The following MACROD2 variants were observed in gnomAD, a reference collection of about 807,000 sequenced individuals.
MACROD2 encodes the protein ADP-ribose glycohydrolase MACROD2.
In MACROD2, 36 loss-of-function variants were observed where a neutral mutation model predicts 70.4. The ratio of observed to expected loss-of-function variants is 0.51; its 90% CI spans 0.39 to 0.68. The LOEUF is 0.68. MACROD2 is among the 30% of genes least tolerant of loss of function. The pLI is 0.00. For missense variants in MACROD2, 496 were observed against 538.4 expected (o/e 0.92, Z 0.78); for synonymous variants, 172 against 178.8 (o/e 0.96, Z 0.30).
At chr20:15,627,118 A>G (rs1194855187) in intron 8 of MACROD2, among the ~76,000 whole-genome samples, 2 of 151,732 alleles carry the variant, frequency 1.3e-5, no homozygotes, top group East Asian at 3.9e-4. Flanking sequence ...CATTTGGGAC[A>G]GTTACAAGTT....
chr20:14,918,622 T>G (rs867685012), intron 5 of MACROD2, among the ~76,000 whole-genome samples: 2 of 151,516 alleles, frequency 1.3e-5, no homozygotes, highest in East Asian at 1.9e-4. Flanking sequence ...TTTTTGTTTT[T>G]TTTTTTTTTT....
chr20:14,579,154 A>C (rs1478841666), intron 4 of MACROD2, among the ~76,000 whole-genome samples: 1 of 43,550 alleles, frequency 2.3e-5, no homozygotes, highest in Non-Finnish European at 4.3e-5. Flanking sequence ...TTTTTTTTTG[A>C]GACGGAGTCT....
intron 8 of MACROD2, among the ~76,000 whole-genome samples, chr20:15,603,351 A>C (rs2048848766): frequency 6.6e-6 from 1 of 151,750 alleles, no homozygotes; most frequent in Admixed American, 6.6e-5. Flanking sequence ...TATTTAAAAA[A>C]AAAAAAATTA....
intron 10 of MACROD2, among the ~76,000 whole-genome samples, chr20:15,887,363 G>A (rs961798768): frequency 1.3e-5 from 2 of 152,126 alleles, no homozygotes; most frequent in African/African-American, 4.8e-5. Flanking sequence ...GGATTCAGAG[G>A]GCATGAGAAG....
intron 8 of MACROD2, among the ~76,000 whole-genome samples, chr20:15,849,950 AG>A (rs1391587428): frequency 6.6e-6 from 1 of 152,154 alleles, no homozygotes; most frequent in Admixed American, 6.5e-5. Context: ...TCTTCGTGTA[AG>A]GGTACCAAGG....
intron 5 of MACROD2, among the ~76,000 whole-genome samples, chr20:14,978,711 G>A (rs2074766402): frequency 7.3e-6 from 1 of 136,706 alleles, no homozygotes; most frequent in Non-Finnish European, 1.5e-5. Context: ...CCATGGTTCT[G>A]CAACAGTTTA....
rs1349544009 is a variant in MACROD2 at position 16,052,289 on chromosome 20, C to A, written c.*2413C>A. On this transcript the variant is annotated 3_prime_UTR_variant, in exon 18 of 18. Coordinates refer to ENST00000684519, the MANE Select transcript of MACROD2 (RefSeq NM_001351661.2). Reference sequence around the variant, plus strand: ...AATCTAACTATAGCCAGATCAAAGACACCTGAACACAGAAAACCTTTATTT... The same window carrying A: ...AATCTAACTATAGCCAGATCAAAGAAACCTGAACACAGAAAACCTTTATTT... 1 of 152,164 alleles carries A rather than the reference C, an allele frequency of 6.6e-6. No individual in the cohort carries two copies. Among genetic ancestry groups the A allele is most frequent in the African/African-American group, 2.4e-5 (1 of 41,432 alleles). The allele number at this position is 152,164 out of a possible 1,614,324, so 9.4% of individuals were successfully genotyped here.
chr20:15,480,753 T>C (rs754119364), intron 7 of MACROD2, among the ~76,000 whole-genome samples: 12 of 152,162 alleles, frequency 7.9e-5, no homozygotes, highest in Non-Finnish European at 1.2e-4. Context: ...CACTCCCTTT[T>C]TTCCCCACCT....
intron 5 of MACROD2, among the ~76,000 whole-genome samples, chr20:14,880,742 A>G (rs535687511): frequency 6.6e-6 from 1 of 152,366 alleles, no homozygotes; most frequent in African/African-American, 2.4e-5. Flanking sequence ...GATTTTAAAG[A>G]CAAACTGAAA....
At position 15,378,298 on chromosome 20, in the gene MACROD2, A is replaced by G. The variant is rs2045593032; in HGVS notation, c.541-53107A>G. On this transcript the variant is annotated intron_variant, in intron 6 of 17. Coordinates refer to ENST00000684519, the MANE Select transcript of MACROD2 (RefSeq NM_001351661.2). ...CAATAAAATTGAAAAAAAAAAAAAA[A>G]AAGGAAAGAAAGAAGGAAAGATGGG... Among the ~76,000 whole-genome samples the G allele has an allele frequency of 4.0e-5, 6 of 150,842 alleles. No homozygotes were observed. The Admixed American group carries it at 4.0e-4, about 10-fold the overall frequency.
At chr20:16,005,663 A>C (rs1431383723) in intron 15 of MACROD2, among the ~76,000 whole-genome samples, 1 of 152,234 alleles carries the variant, frequency 6.6e-6, no homozygotes, top group Non-Finnish European at 1.5e-5. Context: ...TTCTAAACCC[A>C]GCTGACCTAA....
intron 3 of MACROD2, among the ~76,000 whole-genome samples, chr20:14,387,315 T>C (rs2083479439): frequency 3.9e-5 from 6 of 152,216 alleles, no homozygotes; most frequent in Admixed American, 2.6e-4. Flanking sequence ...GGATTGCTGT[T>C]GTTAACTTGA....
At chr20:14,233,448 T>A (rs912704502) in intron 3 of MACROD2, among the ~76,000 whole-genome samples, 1 of 151,910 alleles carries the variant, frequency 6.6e-6, no homozygotes, top group Non-Finnish European at 1.5e-5. Context: ...ATCCCAGCAC[T>A]TTGGGAGGCC....
chr20:14,132,163 A>G (rs113134193), intron 3 of MACROD2, among the ~76,000 whole-genome samples: 8,344 of 147,920 alleles, frequency 0.056, 281 homozygotes, highest in African/African-American at 0.096. Context: ...CTCCCACCTC[A>G]GCCTCCAGAG....
intron 6 of MACROD2, among the ~76,000 whole-genome samples, chr20:15,317,733 A>G (rs2077829125): frequency 6.6e-6 from 1 of 151,706 alleles, no homozygotes; most frequent in South Asian, 2.1e-4. Flanking sequence ...TGTTTCAGCT[A>G]AAGGTAGTCA....
At chr20:14,869,115 C>G (rs546259160) in intron 5 of MACROD2, among the ~76,000 whole-genome samples, 40 of 152,256 alleles carry the variant, frequency 2.6e-4, no homozygotes, top group Non-Finnish European at 4.3e-4. Context: ...GGTCACATAC[C>G]CGTGAAGCCA....
At chr20:15,197,317 T>G (rs2076614573) in intron 5 of MACROD2, among the ~76,000 whole-genome samples, 1 of 152,042 alleles carries the variant, frequency 6.6e-6, no homozygotes, top group Non-Finnish European at 1.5e-5. Flanking sequence ...TGCTAATAAT[T>G]AAAATAGTAT....
At chr20:15,963,720 GACTGCATT>G (rs995115066) in intron 12 of MACROD2, among the ~76,000 whole-genome samples, 1 of 152,064 alleles carries the variant, frequency 6.6e-6, no homozygotes, top group Non-Finnish European at 1.5e-5. Flanking sequence ...ACGTGTAATT[GACTGCATT>G]AAAAGTGACC....
At chr20:14,769,739 G>A (rs1159359544) in intron 5 of MACROD2, among the ~76,000 whole-genome samples, 2 of 152,010 alleles carry the variant, frequency 1.3e-5, no homozygotes, top group East Asian at 3.9e-4. Flanking sequence ...AAACCTATTG[G>A]AAACACACAA....
Sources: allele counts gnomAD v4.1 joint callset (sites outside exome capture counted in the v4.1 genomes callset), GRCh38; gene constraint gnomAD v4.1.1; transcripts MANE v1.5; gene names NCBI Gene and HGNC (gene_info 2026-07-23, HGNC 2026-07-21).